Variants in ADD3 observed in about 807,000 individuals in gnomAD.
ADD3 encodes adducin 3.
A neutral mutation model predicts 80.2 loss-of-function variants in ADD3; 25 were observed. The observed-to-expected ratio is 0.31, with a 90% CI of 0.23 to 0.44. ADD3 has a LOEUF of 0.44. ADD3 is among the 20% of genes least tolerant of loss of function. The pLI is 1.00. For synonymous variants in ADD3, 284 were observed against 289.6 expected (o/e 0.98, Z 0.20); for missense variants, 829 against 847.5 (o/e 0.98, Z 0.27).
intron 14 of ADD3, among the ~76,000 whole-genome samples, chr10:110,132,970 C>A (rs1853248275): frequency 6.6e-6 from 1 of 151,614 alleles, no homozygotes; most frequent in African/African-American, 2.4e-5. Flanking sequence ...TAAACATCTC[C>A]CAATCAGCAG....
chr10:110,010,232 G>A (rs1852182399), intron 1 of ADD3, among the ~76,000 whole-genome samples: 1 of 152,182 alleles, frequency 6.6e-6, no homozygotes, highest in Non-Finnish European at 1.5e-5. Context: ...AGGTTTTGAG[G>A]CTTCCTGAAG....
At chr10:110,106,240 A>T (rs547933778) in intron 2 of ADD3, among the ~76,000 whole-genome samples, 11 of 151,346 alleles carry the variant, frequency 7.3e-5, no homozygotes, top group African/African-American at 2.7e-4. Flanking sequence ...GATGTCTCCT[A>T]TATTTATCAG....
intron 2 of ADD3, among the ~76,000 whole-genome samples, chr10:110,102,197 T>C (rs1030040095): frequency 6.6e-6 from 1 of 152,230 alleles, no homozygotes; most frequent in Admixed American, 6.5e-5. Context: ...AAATGTTCAG[T>C]GCCTTACTTT....
intron 1 of ADD3, among the ~76,000 whole-genome samples, chr10:110,069,995 TTAG>T (rs1369462952): frequency 1.3e-5 from 2 of 152,194 alleles, no homozygotes; most frequent in African/African-American, 4.8e-5. Flanking sequence ...CCCTTTTGTA[TTAG>T]TTGTAATCTG....
At chr10:110,060,642 A>G (rs187724330) in intron 1 of ADD3, among the ~76,000 whole-genome samples, 14 of 152,340 alleles carry the variant, frequency 9.2e-5, no homozygotes, top group African/African-American at 2.9e-4. Flanking sequence ...CACTGGAACA[A>G]TATTAAACTA....
intron 12 of ADD3, among the ~76,000 whole-genome samples, chr10:110,128,582 ATTT>A (rs112957764): frequency 6.6e-6 from 1 of 151,328 alleles, no homozygotes; most frequent in Non-Finnish European, 1.5e-5. Flanking sequence ...TGCCCGACTA[ATTT>A]TTTTTGTATT....
At chr10:110,111,828 G>A (rs1401683440) in intron 2 of ADD3, among the ~76,000 whole-genome samples, 3 of 151,860 alleles carry the variant, frequency 2.0e-5, no homozygotes, top group African/African-American at 7.3e-5. Flanking sequence ...CAGGAGAATC[G>A]CTTCAACCCG....
At chr10:110,130,239 G>C in intron 12 of ADD3, 124 bp from the exon 13 acceptor site, 1 of 970,870 alleles carries the variant, frequency 1.0e-6, no homozygotes. Flanking sequence ...CATTTCTTAG[G>C]ATTGTTGTGA....
chr10:110,091,572 C>T (rs1022016963), intron 1 of ADD3, among the ~76,000 whole-genome samples: 9 of 152,142 alleles, frequency 5.9e-5, no homozygotes, highest in African/African-American at 2.2e-4. Context: ...GGATAATTGA[C>T]TAGCCATCAT....
At chr10:110,103,081 G>A (rs1264112245) in intron 2 of ADD3, among the ~76,000 whole-genome samples, 1 of 152,006 alleles carries the variant, frequency 6.6e-6, no homozygotes, top group East Asian at 1.9e-4. Context: ...CCTAGATCTT[G>A]GCTAATGAAT....
At chr10:110,110,479 A>C (rs950759168) in intron 2 of ADD3, among the ~76,000 whole-genome samples, 2 of 152,180 alleles carry the variant, frequency 1.3e-5, no homozygotes, top group Non-Finnish European at 2.9e-5. Context: ...ACCACAGTGC[A>C]TCAGGGAGGG....
At chr10:110,025,727 C>G (rs529180450) in intron 1 of ADD3, among the ~76,000 whole-genome samples, 6 of 152,110 alleles carry the variant, frequency 3.9e-5, no homozygotes, top group Admixed American at 2.0e-4. Flanking sequence ...AACTGAGATT[C>G]CTGCCTCTGT....
chr10:110,127,849 G>T (rs1384041414), intron 12 of ADD3, among the ~76,000 whole-genome samples: 1 of 151,910 alleles, frequency 6.6e-6, no homozygotes. Flanking sequence ...ACTGTAGAAC[G>T]CACCCTCTAA....
rs574693679 is a variant in ADD3, at chr10:110,106,303, G to GTTT, written c.195+5465_195+5467dup. Among the ~76,000 whole-genome samples, 116 of 144,414 alleles carry GTTT rather than the reference G, an allele frequency of 8.0e-4. 1 individual carries two copies. The highest frequency in any genetic ancestry group is 2.8e-3 in the African/African-American group (113 of 39,788). 94.7% of individuals were successfully genotyped at this position (144,414 alleles called of 152,430 possible). ...TTACTGATAAATGAGCCAACATGGA[G>GTTT]TTTTTTTTTTTTAAGCATTAATTGA... On this transcript the variant is annotated intron_variant, in intron 2 of 14. Coordinates refer to ENST00000356080, the MANE Select transcript of ADD3 (RefSeq NM_016824.5).
Position 110,117,337 on chromosome 10 carries a change from T to TC in ADD3, c.487-3dup. ...ATAGTAATTCCCTGTTGTTTTTTTT[T>TC]CCAGGTAAGAATAAGTAAGGAGCAA... On this transcript the variant is annotated splice_region_variant and splice_polypyrimidine_tract_variant and intron_variant, in intron 4 of 14. Coordinates refer to ENST00000356080, the MANE Select transcript of ADD3 (RefSeq NM_016824.5). 2 of 1,549,902 alleles carry TC rather than the reference T, an allele frequency of 1.3e-6. No homozygotes were observed. The highest frequency in any genetic ancestry group is 8.9e-7 in the Non-Finnish European group (1 of 1,127,418).
chr10:110,039,174 C>T (rs1207190589), intron 1 of ADD3, among the ~76,000 whole-genome samples: 1 of 152,170 alleles, frequency 6.6e-6, no homozygotes, highest in Non-Finnish European at 1.5e-5. Flanking sequence ...TGGTATTGAG[C>T]CTTCCTAACT....
At chr10:110,116,013 A>G (rs887564634) in intron 3 of ADD3, among the ~76,000 whole-genome samples, 4 of 152,076 alleles carry the variant, frequency 2.6e-5, no homozygotes, top group Non-Finnish European at 5.9e-5. Flanking sequence ...TGATATAGTC[A>G]CTCCTTAGCA....
chr10:110,093,705 C>G (rs1040446876), intron 1 of ADD3, among the ~76,000 whole-genome samples: 6 of 152,166 alleles, frequency 3.9e-5, no homozygotes, highest in African/African-American at 1.4e-4. Context: ...TACCATTTAT[C>G]TGCCTGCTCA....
chr10:110,021,814 C>T (rs949939695), intron 1 of ADD3, among the ~76,000 whole-genome samples: 1 of 151,732 alleles, frequency 6.6e-6, no homozygotes, highest in African/African-American at 2.4e-5. Context: ...TGCAACATTG[C>T]GAATATACTG....
Sources: allele counts gnomAD v4.1 joint callset (sites outside exome capture counted in the v4.1 genomes callset), GRCh38; gene constraint gnomAD v4.1.1; transcripts MANE v1.5; gene names NCBI Gene and HGNC (gene_info 2026-07-23, HGNC 2026-07-21).